The following GABBR2 variants were observed in gnomAD, a reference collection of about 807,000 sequenced individuals.
GABBR2 encodes G-protein coupled receptor 51.
Under a neutral mutation model 105.6 loss-of-function variants are expected in GABBR2, and 23 were observed. That is an observed-to-expected ratio of 0.22 (90% confidence interval 0.16 to 0.31). The LOEUF (loss-of-function observed/expected upper bound fraction) is 0.31, where lower values mean the gene tolerates loss of function less well. GABBR2 is among the 10% of genes least tolerant of loss of function. GABBR2 has a pLI of 1.00. For synonymous variants in GABBR2, 478 were observed against 499.7 expected, an observed-to-expected ratio of 0.96 and a Z score of 0.58; for missense variants, 734 against 1,245.5, an observed-to-expected ratio of 0.59 and a Z score of 6.18.
At chr9:98,676,406 T>C (rs1013201350) in intron 1 of GABBR2, among the ~76,000 whole-genome samples, 3 of 152,234 alleles carry the variant, frequency 2.0e-5, no homozygotes, top group Non-Finnish European at 4.4e-5. Flanking sequence ...TGGTAAATTT[T>C]TATAGCACCA....
intron 13 of GABBR2, among the ~76,000 whole-genome samples, chr9:98,346,221 A>C (rs1454149485): frequency 6.6e-6 from 1 of 152,246 alleles, no homozygotes; most frequent in Non-Finnish European, 1.5e-5. Flanking sequence ...GCTGTTTGAT[A>C]GCATTTTACC....
intron 4 of GABBR2, among the ~76,000 whole-genome samples, chr9:98,489,259 G>A (rs758582636): frequency 3.3e-5 from 5 of 152,220 alleles, no homozygotes; most frequent in Non-Finnish European, 7.3e-5. Context: ...GCTTAAAAGT[G>A]TCCTCCTTTG....
intron 7 of GABBR2, among the ~76,000 whole-genome samples, chr9:98,431,693 G>T (rs979056643): frequency 1.5e-4 from 23 of 151,018 alleles, no homozygotes; most frequent in African/African-American, 2.2e-4. Context: ...GTTTTTTTTT[G>T]TTTTGTTTTG....
At chr9:98,662,795 G>A (rs769574595) in intron 1 of GABBR2, among the ~76,000 whole-genome samples, 6 of 152,234 alleles carry the variant, frequency 3.9e-5, no homozygotes, top group East Asian at 3.9e-4. Flanking sequence ...GCTATCATAC[G>A]TGCCCACCCC....
intron 4 of GABBR2, among the ~76,000 whole-genome samples, chr9:98,487,713 G>A (rs535737410): frequency 3.3e-5 from 5 of 152,064 alleles, no homozygotes; most frequent in African/African-American, 1.2e-4. Flanking sequence ...AGGAAGTTGA[G>A]GCTGCAGTGA....
intron 1 of GABBR2, among the ~76,000 whole-genome samples, chr9:98,700,552 T>C (rs337539): frequency 0.83 from 125,778 of 152,140 alleles, 52,714 homozygotes; most frequent in Middle Eastern, 0.91. Context: ...AACAGCATCA[T>C]GGACAGAGCA....
At chr9:98,554,036 A>G (rs1458981841) in intron 2 of GABBR2, among the ~76,000 whole-genome samples, 1 of 152,174 alleles carries the variant, frequency 6.6e-6, no homozygotes, top group African/African-American at 2.4e-5. Flanking sequence ...CAGAGAGGTG[A>G]CTTACTCAAA....
At chr9:98,431,456 G>A (rs188142773) in intron 7 of GABBR2, among the ~76,000 whole-genome samples, 30 of 151,702 alleles carry the variant, frequency 2.0e-4, no homozygotes, top group Non-Finnish European at 3.2e-4. Context: ...AAAATTATTC[G>A]TTGAATAAAT....
At chr9:98,552,863 G>A (rs1368928830) in intron 2 of GABBR2, among the ~76,000 whole-genome samples, 1 of 151,924 alleles carries the variant, frequency 6.6e-6, no homozygotes, top group Non-Finnish European at 1.5e-5. Flanking sequence ...CCCCTGCTGT[G>A]GCCAGTCCTT....
chr9:98,706,260 A>T (rs1830892877), intron 1 of GABBR2, among the ~76,000 whole-genome samples: 1 of 152,092 alleles, frequency 6.6e-6, no homozygotes, highest in South Asian at 2.1e-4. Flanking sequence ...GCTGTGTGTC[A>T]CCTGCAGAGT....
intron 1 of GABBR2, among the ~76,000 whole-genome samples, chr9:98,706,106 AAAC>A (rs762088789): frequency 0.027 from 729 of 27,408 alleles, 5 homozygotes; most frequent in African/African-American, 0.068. Context: ...AAAACAAAAA[AAAC>A]AAAAAAAAAA....
chr9:98,454,006 T>C lies in GABBR2; in HGVS notation c.1211A>G (p.Asn404Ser). ...TLGRIILNAM[N>S]ETNFFGVTGQ... ...CGTGACCCCGAAGAAGTTGGTCTCG[T>C]TCATGGCATTGAGGATGATCCTGCC... The change falls in exon 7 of 19, where the codon AAC becomes AGC. Residue 404 changes from asparagine (N) to serine (S), a missense_variant. Coordinates refer to ENST00000259455, the MANE Select transcript of GABBR2 (RefSeq NM_005458.8). This position sits in a 1 kb window ranked among gnomAD's most constrained non-coding sequence, Gnocchi z 4.6. 6.2e-7 allele frequency: 1 copy of C among 1,613,948 alleles called. No homozygotes were observed. The highest frequency in any genetic ancestry group is 8.5e-7 in the Non-Finnish European group (1 of 1,179,820).
chr9:98,339,690 T>A (rs1040005133), intron 13 of GABBR2, among the ~76,000 whole-genome samples: 16 of 152,248 alleles, frequency 1.1e-4, no homozygotes, highest in African/African-American at 3.9e-4. Flanking sequence ...TTTCCTCAGT[T>A]ATTCAACTAA....
chr9:98,653,916 C>T (rs1345496877), intron 1 of GABBR2, among the ~76,000 whole-genome samples: 1 of 152,174 alleles, frequency 6.6e-6, no homozygotes, highest in Non-Finnish European at 1.5e-5. Flanking sequence ...CTCTGCTCTC[C>T]AACCACACCA....
intron 18 of GABBR2, 85 bp from the exon 19 acceptor site, chr9:98,290,834 A>G: frequency 1.2e-6 from 1 of 860,246 alleles, no homozygotes; most frequent in Non-Finnish European, 1.7e-6. Flanking sequence ...TGGCTAAAAA[A>G]GCTGATGACA....
intron 3 of GABBR2, among the ~76,000 whole-genome samples, chr9:98,531,650 G>A (rs1828070045): frequency 6.6e-6 from 1 of 152,258 alleles, no homozygotes; most frequent in African/African-American, 2.4e-5. Flanking sequence ...ACAGAGCACT[G>A]CTAGTGGGCT....
chr9:98,470,793 G>A (rs1476459429), intron 6 of GABBR2, among the ~76,000 whole-genome samples: 1 of 151,634 alleles, frequency 6.6e-6, no homozygotes, highest in Non-Finnish European at 1.5e-5. Context: ...GTTCATCATG[G>A]GGTTTTTTTT....
At chr9:98,553,972 CAGTAG>C (rs1319946092) in intron 2 of GABBR2, among the ~76,000 whole-genome samples, 2 of 152,204 alleles carry the variant, frequency 1.3e-5, no homozygotes, top group African/African-American at 2.4e-5. Flanking sequence ...CCCATGATAT[CAGTAG>C]AGTAGACTTT....
intron 3 of GABBR2, among the ~76,000 whole-genome samples, chr9:98,516,668 C>T (rs889284385): frequency 1.3e-5 from 2 of 152,160 alleles, no homozygotes; most frequent in Admixed American, 1.3e-4. Context: ...TTCCTGACCC[C>T]GAGGGTGGCA....
Sources: gnomAD v4.1 joint callset for allele counts (sites outside exome capture counted in the v4.1 genomes callset) on GRCh38, gnomAD v4.1.1 for gene constraint, Gnocchi (gnomAD v3.1) non-coding constraint, MANE v1.5 for transcripts, NCBI Gene and HGNC (gene_info 2026-07-23, HGNC 2026-07-21) for gene names.